Variants in SPMIP5 observed in about 807,000 individuals in gnomAD.
SPMIP5 encodes sperm microtubule inner protein 5, also known as sperm-associated microtubule inner protein 5.
At chr10:116,666,644 C>G in the SPMIP5 span, among the ~76,000 whole-genome samples, 1 of 152,152 alleles carries the variant, frequency 6.6e-6, no homozygotes, top group Non-Finnish European at 1.5e-5. Context: ...ATAACCCCCT[C>G]TGGAAGAACC....
the SPMIP5 span, chr10:116,664,110 C>T: frequency 1.7e-5 from 28 of 1,613,716 alleles, no homozygotes; most frequent in Non-Finnish European, 2.3e-5. Context: ...GCAGAAAGGC[C>T]ACTGCAAACA....
At chr10:116,665,534 G>T in the SPMIP5 span, 2 of 1,392,050 alleles carry the variant, frequency 1.4e-6, no homozygotes, top group Non-Finnish European at 2.0e-6. Flanking sequence ...GGTGCTATGG[G>T]GCAGCTCAGC....
the SPMIP5 span, chr10:116,664,687 G>C: frequency 6.4e-7 from 1 of 1,563,506 alleles, no homozygotes; most frequent in Middle Eastern, 1.9e-4. Flanking sequence ...GGGGACATCT[G>C]GTAAACCCCC....
chr10:116,667,562 C>G, the SPMIP5 span, among the ~76,000 whole-genome samples: 1 of 152,178 alleles, frequency 6.6e-6, no homozygotes, highest in Non-Finnish European at 1.5e-5. Flanking sequence ...GGTTGGGCAA[C>G]CCTGGAATAT....
At chr10:116,663,870 C>T in the SPMIP5 span, 1 of 1,493,130 alleles carries the variant, frequency 6.7e-7, no homozygotes, top group Non-Finnish European at 8.9e-7. Flanking sequence ...TTGGAAGCCC[C>T]ACTTAAAGTT....
chr10:116,669,862 C>A, the SPMIP5 span: 2 of 152,176 alleles, frequency 1.3e-5, no homozygotes, highest in East Asian at 3.9e-4. Context: ...AGAAAGGGGG[C>A]TAGGAGTGGG....
the SPMIP5 span, among the ~76,000 whole-genome samples, chr10:116,667,783 A>T: frequency 1.3e-4 from 20 of 152,346 alleles, no homozygotes; most frequent in African/African-American, 4.6e-4. Context: ...AGTGTTAAGG[A>T]AAGTCCCAGG....
the SPMIP5 span, chr10:116,668,374 C>CTTAAGGAATTACTA: frequency 0.017 from 23,835 of 1,412,284 alleles, 1,327 homozygotes; most frequent in African/African-American, 0.15. Flanking sequence ...AAGTCACTGC[C>CTTAAGGAATTACTA]TTAAGGAATT....
chr10:116,669,572 T>G, the SPMIP5 span, among the ~76,000 whole-genome samples: 1 of 152,182 alleles, frequency 6.6e-6, no homozygotes, highest in South Asian at 2.1e-4. Context: ...CAGGGAACAC[T>G]GGCTATCCCC....
chr10:116,667,493 G>A, the SPMIP5 span, among the ~76,000 whole-genome samples: 2 of 152,036 alleles, frequency 1.3e-5, no homozygotes, highest in South Asian at 2.1e-4. Flanking sequence ...ACAGAGATTC[G>A]AACCTCAGCT....
At chr10:116,668,933 G>GCATGCACACACACACACACACA in the SPMIP5 span, among the ~76,000 whole-genome samples, 1 of 135,380 alleles carries the variant, frequency 7.4e-6, no homozygotes, top group South Asian at 2.6e-4. Context: ...GCACACACAT[G>GCATGCACACACACACACACACA]CACACACACA....
chr10:116,665,404 C>CAA, the SPMIP5 span: 2,119 of 284,418 alleles, frequency 7.5e-3, no homozygotes, highest in South Asian at 9.5e-3. Context: ...GACTCCGTCT[C>CAA]AAAAAAAAAA....
the SPMIP5 span, chr10:116,664,144 A>G: frequency 1.9e-6 from 3 of 1,614,108 alleles, no homozygotes; most frequent in South Asian, 1.1e-5. Context: ...TTAAAACGGT[A>G]GTAGGAAGGA....
At chr10:116,669,245 A>T in the SPMIP5 span, among the ~76,000 whole-genome samples, 2 of 152,176 alleles carry the variant, frequency 1.3e-5, no homozygotes, top group East Asian at 3.9e-4. Flanking sequence ...AAGAGGATTC[A>T]GGGTGGAGGA....
the SPMIP5 span, chr10:116,664,911 G>A: frequency 5.0e-6 from 8 of 1,613,888 alleles, no homozygotes; most frequent in South Asian, 1.1e-5. Flanking sequence ...GCCAGGGATC[G>A]GGGGCTCCTG....
At chr10:116,668,819 CT>C in the SPMIP5 span, among the ~76,000 whole-genome samples, 2 of 151,962 alleles carry the variant, frequency 1.3e-5, no homozygotes, top group African/African-American at 4.8e-5. Context: ...ACCATTACCC[CT>C]GGAACATCTG....
chr10:116,663,924 T>C, the SPMIP5 span: 1 of 1,536,812 alleles, frequency 6.5e-7, no homozygotes, highest in Admixed American at 2.0e-5. Flanking sequence ...CTGCATACTT[T>C]GCGGAGGACA....
chr10:116,668,389 T>C, the SPMIP5 span: 3 of 1,299,894 alleles, frequency 2.3e-6, no homozygotes, highest in Non-Finnish European at 2.2e-6. Context: ...GGAATTACTA[T>C]TGAGTGTGCA....
chr10:116,664,026 C>T, the SPMIP5 span: 2 of 1,568,736 alleles, frequency 1.3e-6, no homozygotes, highest in Non-Finnish European at 1.7e-6. Context: ...CTCTCAGGGG[C>T]CTTCCAAGGG....
Sources: allele counts gnomAD v4.1 joint callset (sites outside exome capture counted in the v4.1 genomes callset), GRCh38; gene constraint gnomAD v4.1.1; transcripts MANE v1.5; gene names NCBI Gene and HGNC (gene_info 2026-07-23, HGNC 2026-07-21).